DOCK10: variants seen among roughly 807,000 people sequenced by gnomAD.
DOCK10 encodes the protein dedicator of cytokinesis protein 10.
DOCK10 carries 145 observed loss-of-function variants against 280.1 expected under a neutral mutation model. The ratio of observed to expected loss-of-function variants is 0.52; its 90% CI spans 0.45 to 0.59. The LOEUF (loss-of-function observed/expected upper bound fraction) is 0.59, where lower values mean the gene tolerates loss of function less well. Ranked by LOEUF, DOCK10 falls within the 20% of genes least tolerant of loss-of-function variation. The pLI is 0.00. For missense variants in DOCK10, 2,368 were observed against 2,651.7 expected (o/e 0.89, Z 2.35); for synonymous variants, 915 against 942.2 (o/e 0.97, Z 0.53).
chr2:224,983,761 T>C, intron 1 of DOCK10: 1 of 471,120 alleles, frequency 2.1e-6, no homozygotes, highest in Non-Finnish European at 4.4e-6. Context: ...AAGTACTGGC[T>C]GCCAGTAGTT....
Position 224,864,898 on chromosome 2 carries a change from G to A in DOCK10, c.1447C>T (p.Leu483Phe). The A allele has an allele frequency of 1.2e-6, 2 of 1,613,960 alleles. No homozygotes were observed. Among genetic ancestry groups the A allele is most frequent in the Non-Finnish European group, 1.7e-6 (2 of 1,179,884 alleles). ...RQSEEPHIKG[L>F]PEEWLKFPKQ... ...GGAAATTTTAGCCATTCCTCTGGAA[G>A]TCCCTTGATGTGAGGTTCTTCTGAT... The change falls in exon 12 of 56, where the codon CTT becomes TTT. Residue 483 changes from leucine to phenylalanine, a missense_variant. Around this residue, in one of 2 missense-constraint regions of DOCK10, gnomAD observed 1,209 missense variants for 1,250.9 expected, o/e 0.97. Transcript: ENST00000258390.
intron 3 of DOCK10, among the ~76,000 whole-genome samples, chr2:224,908,442 T>C (rs1700806560): frequency 7.0e-6 from 1 of 143,512 alleles, no homozygotes; most frequent in African/African-American, 2.6e-5. Context: ...TGTGTGTGTG[T>C]GTGTGTGTGT....
At chr2:224,897,510 C>T (rs1222333457) in intron 3 of DOCK10, among the ~76,000 whole-genome samples, 1 of 152,112 alleles carries the variant, frequency 6.6e-6, no homozygotes, top group African/African-American at 2.4e-5. Context: ...TTCATTCATT[C>T]TAGCTATTTT....
chr2:224,794,734 TA>T, intron 45 of DOCK10, 144 bp downstream of exon 45: 2 of 716,206 alleles, frequency 2.8e-6, no homozygotes, highest in Non-Finnish European at 4.6e-6. Context: ...TATGGAAATG[TA>T]TTGTATATGA....
chr2:224,965,442 A>C (rs975028105), intron 1 of DOCK10, among the ~76,000 whole-genome samples: 1 of 152,176 alleles, frequency 6.6e-6, no homozygotes, highest in African/African-American at 2.4e-5. Context: ...TCTGAGTATG[A>C]TTCTGTATAT....
chr2:224,972,223 A>T (rs144591923), intron 1 of DOCK10, among the ~76,000 whole-genome samples: 173 of 152,318 alleles, frequency 1.1e-3, no homozygotes, highest in African/African-American at 3.9e-3. Flanking sequence ...CATTATTTCC[A>T]TGTTCACTTC....
intron 11 of DOCK10, among the ~76,000 whole-genome samples, chr2:224,866,460 T>C (rs1269953014): frequency 2.0e-5 from 3 of 152,194 alleles, no homozygotes; most frequent in Non-Finnish European, 4.4e-5. Context: ...TTCTCCATTA[T>C]AAAGGTCACC....
chr2:224,787,749 A>C (rs1691834867), intron 48 of DOCK10, among the ~76,000 whole-genome samples: 1 of 152,096 alleles, frequency 6.6e-6, no homozygotes, highest in South Asian at 2.1e-4. Context: ...GTAAAACATA[A>C]ATCTGATCAT....
intron 1 of DOCK10, among the ~76,000 whole-genome samples, chr2:225,032,350 A>G (rs1442865501): frequency 6.6e-6 from 1 of 152,188 alleles, no homozygotes; most frequent in African/African-American, 2.4e-5. Flanking sequence ...TCTGACTTCA[A>G]AAATGGAAGT....
At position 224,888,460 on chromosome 2, in the gene DOCK10, G is replaced by A. The variant is rs550803030; in HGVS notation, c.417-1929C>T. On this transcript the variant is annotated intron_variant, in intron 4 of 55. Coordinates refer to ENST00000258390, the MANE Select transcript of DOCK10 (RefSeq NM_014689.3). ...TATATGTGTGTGAATATACATGCATGTATGTATATATGTGTGTGAATACAT... is the reference window on the plus strand; with the variant it reads ...TATATGTGTGTGAATATACATGCATATATGTATATATGTGTGTGAATACAT... Among the ~76,000 whole-genome samples, 8 of 151,858 alleles carry A rather than the reference G, an allele frequency of 5.3e-5. No homozygotes were observed. In the South Asian group the frequency reaches 1.7e-3, roughly 32 times the overall value.
At chr2:224,916,008 T>C (rs1701288420) in intron 3 of DOCK10, among the ~76,000 whole-genome samples, 1 of 152,238 alleles carries the variant, frequency 6.6e-6, no homozygotes, top group South Asian at 2.1e-4. Flanking sequence ...TGTGGCCTGG[T>C]GGGAAGCGTT....
intron 23 of DOCK10, among the ~76,000 whole-genome samples, chr2:224,840,511 G>A (rs986726580): frequency 6.6e-6 from 1 of 152,166 alleles, no homozygotes; most frequent in Non-Finnish European, 1.5e-5. Context: ...TATAAAAAAT[G>A]TTCAACGTCA....
intron 2 of DOCK10, among the ~76,000 whole-genome samples, chr2:224,917,225 C>A (rs1282299555): frequency 6.7e-6 from 1 of 149,612 alleles, no homozygotes; most frequent in Non-Finnish European, 1.5e-5. Context: ...CCTGTTGCAG[C>A]CTCCCTAGTA....
intron 24 of DOCK10, among the ~76,000 whole-genome samples, chr2:224,839,125 C>G (rs1231607003): frequency 6.6e-6 from 1 of 151,926 alleles, no homozygotes; most frequent in Non-Finnish European, 1.5e-5. Context: ...TTCACCCAGG[C>G]TGGAGTGCAG....
At chr2:224,790,011 C>T (rs1692053230) in intron 47 of DOCK10, among the ~76,000 whole-genome samples, 1 of 152,278 alleles carries the variant, frequency 6.6e-6, no homozygotes, top group Non-Finnish European at 1.5e-5. Flanking sequence ...AAACTACTGA[C>T]CTCAGGTGAT....
At chr2:224,896,408 A>G (rs375347904) in intron 3 of DOCK10, 31 bp from the exon 4 acceptor site, 6 of 1,388,694 alleles carry the variant, frequency 4.3e-6, no homozygotes, top group Non-Finnish European at 5.0e-6. Context: ...AATTATTAAT[A>G]TAAAAATTAT....
At chr2:224,985,514 A>G (rs1323403994) in intron 1 of DOCK10, among the ~76,000 whole-genome samples, 3 of 151,970 alleles carry the variant, frequency 2.0e-5, no homozygotes, top group Admixed American at 6.6e-5. Flanking sequence ...CTTAATGCTC[A>G]TAGGAAATGG....
intron 2 of DOCK10, among the ~76,000 whole-genome samples, chr2:224,923,021 T>C (rs1323525753): frequency 1.4e-4 from 22 of 152,242 alleles, no homozygotes; most frequent in Non-Finnish European, 1.5e-5. Flanking sequence ...TGTCCTTAGA[T>C]TACATTAGTT....
At chr2:224,881,127 T>G (rs1574986399) in intron 7 of DOCK10, among the ~76,000 whole-genome samples, 1 of 152,314 alleles carries the variant, frequency 6.6e-6, no homozygotes, top group East Asian at 1.9e-4. Flanking sequence ...TACACATATA[T>G]GTATATAATA....
Sources: gnomAD v4.1 joint callset for allele counts (sites outside exome capture counted in the v4.1 genomes callset) on GRCh38, gnomAD v4.1.1 for gene constraint, gnomAD v4.1.1 regional missense constraint, MANE v1.5 for transcripts, NCBI Gene and HGNC (gene_info 2026-07-23, HGNC 2026-07-21) for gene names.